HS3ST5: variants seen among roughly 807,000 people sequenced by gnomAD.
HS3ST5 encodes heparan sulfate-glucosamine 3-sulfotransferase 5, also known as heparan sulfate glucosamine 3-O-sulfotransferase 5.
In HS3ST5, 10 loss-of-function variants were observed where a neutral mutation model predicts 25.4. The ratio of observed to expected loss-of-function variants is 0.39; its 90% CI spans 0.24 to 0.67. The LOEUF is 0.67. HS3ST5 is among the 30% of genes least tolerant of loss of function. HS3ST5 has a pLI of 0.44. For synonymous variants in HS3ST5, 170 were observed against 162.4 expected (o/e 1.05, Z -0.36); for missense variants, 324 against 420.7 (o/e 0.77, Z 2.01).
chr6:114,160,434 T>C (rs1032190618), intron 3 of HS3ST5, among the ~76,000 whole-genome samples: 1 of 152,046 alleles, frequency 6.6e-6, no homozygotes, highest in Non-Finnish European at 1.5e-5. Flanking sequence ...AAGAAAAACT[T>C]GAGATCTCAG....
intron 3 of HS3ST5, among the ~76,000 whole-genome samples, chr6:114,148,529 G>A (rs1374355309): frequency 6.6e-6 from 1 of 152,160 alleles, no homozygotes; most frequent in Non-Finnish European, 1.5e-5. Flanking sequence ...GCTGGGGCAG[G>A]AGAATCGCTT....
At chr6:114,197,854 G>T (rs935523034) in intron 2 of HS3ST5, among the ~76,000 whole-genome samples, 2 of 152,130 alleles carry the variant, frequency 1.3e-5, no homozygotes, top group Non-Finnish European at 2.9e-5. Context: ...GAAAAAATCA[G>T]CACAAGAACT....
intron 2 of HS3ST5, among the ~76,000 whole-genome samples, chr6:114,179,654 G>GTT (rs5879251): frequency 6.5e-5 from 6 of 91,622 alleles, no homozygotes; most frequent in Admixed American, 1.1e-4. Flanking sequence ...ATTAGTCAGG[G>GTT]TTTTTTTTTT....
intron 3 of HS3ST5, among the ~76,000 whole-genome samples, chr6:114,165,638 C>T (rs1328151839): frequency 6.6e-6 from 1 of 152,128 alleles, no homozygotes; most frequent in Non-Finnish European, 1.5e-5. Flanking sequence ...ATGCCTGAGG[C>T]AACTTGACGT....
At chr6:114,192,266 A>G (rs1414413585) in intron 2 of HS3ST5, among the ~76,000 whole-genome samples, 9 of 152,304 alleles carry the variant, frequency 5.9e-5, no homozygotes, top group Admixed American at 4.6e-4. Flanking sequence ...ATTTCTAAGT[A>G]ACTTGATGAT....
intron 2 of HS3ST5, among the ~76,000 whole-genome samples, chr6:114,212,518 T>TA (rs1432354121): frequency 6.6e-6 from 1 of 152,132 alleles, no homozygotes; most frequent in Non-Finnish European, 1.5e-5. Flanking sequence ...TATTCCCTAC[T>TA]AAAAAAAGCA....
intron 2 of HS3ST5, among the ~76,000 whole-genome samples, chr6:114,192,436 G>A (rs145528151): frequency 6.6e-6 from 1 of 152,112 alleles, no homozygotes; most frequent in Non-Finnish European, 1.5e-5. Flanking sequence ...AGAGTACAAG[G>A]CCAAACCTGT....
At chr6:114,129,077 T>C (rs763727540) in intron 3 of HS3ST5, among the ~76,000 whole-genome samples, 5 of 152,198 alleles carry the variant, frequency 3.3e-5, no homozygotes, top group Non-Finnish European at 7.3e-5. Flanking sequence ...CTCATAGATG[T>C]TGTGAGTGAG....
At chr6:114,120,900 T>C (rs898558820) in intron 3 of HS3ST5, among the ~76,000 whole-genome samples, 42 of 152,226 alleles carry the variant, frequency 2.8e-4, no homozygotes, top group Non-Finnish European at 7.3e-5. Context: ...ATATTTCTTT[T>C]TTCAGAAGTC....
intron 1 of HS3ST5, among the ~76,000 whole-genome samples, chr6:114,284,695 T>TAA (rs3049840): frequency 0.71 from 106,875 of 151,546 alleles, 37,962 homozygotes; most frequent in Non-Finnish European, 0.74. Flanking sequence ...AATTACAACA[T>TAA]GAGTTTACAG....
chr6:114,224,960 TG>T (rs1437539261), intron 2 of HS3ST5, among the ~76,000 whole-genome samples: 2 of 151,738 alleles, frequency 1.3e-5, no homozygotes, highest in Non-Finnish European at 3.0e-5. Flanking sequence ...TGCTAATGGT[TG>T]TTTCAAGATG....
intron 1 of HS3ST5, among the ~76,000 whole-genome samples, chr6:114,277,060 C>T (rs1293846717): frequency 6.6e-6 from 1 of 151,912 alleles, no homozygotes; most frequent in African/African-American, 2.4e-5. Context: ...CTTTCTCTCA[C>T]CTCAATGGAA....
intron 1 of HS3ST5, among the ~76,000 whole-genome samples, chr6:114,338,727 A>G (rs1438779635): frequency 6.6e-6 from 1 of 152,034 alleles, no homozygotes; most frequent in Non-Finnish European, 1.5e-5. Context: ...TAACATTAAA[A>G]CTCAGAAACA....
chr6:114,160,957 C>A (rs1336657261), intron 3 of HS3ST5, among the ~76,000 whole-genome samples: 1 of 152,098 alleles, frequency 6.6e-6, no homozygotes, highest in Non-Finnish European at 1.5e-5. Flanking sequence ...AAACTAGCAG[C>A]TTTTAAAAGT....
chr6:114,311,872 T>C (rs1775551497), intron 1 of HS3ST5, among the ~76,000 whole-genome samples: 1 of 152,206 alleles, frequency 6.6e-6, no homozygotes, highest in African/African-American at 2.4e-5. Flanking sequence ...TGGTCATAAC[T>C]AAATCAATGC....
intron 1 of HS3ST5, among the ~76,000 whole-genome samples, chr6:114,249,970 T>A (rs1772572824): frequency 1.3e-5 from 2 of 152,210 alleles, no homozygotes; most frequent in Admixed American, 6.5e-5. Flanking sequence ...TGTGCATTTG[T>A]ATCTATTTTC....
At chr6:114,186,736 A>T (rs1246163411) in intron 2 of HS3ST5, among the ~76,000 whole-genome samples, 3 of 152,252 alleles carry the variant, frequency 2.0e-5, no homozygotes, top group Non-Finnish European at 4.4e-5. Flanking sequence ...TTGGAAAAAG[A>T]TGCCATCTAG....
At chr6:114,121,972 C>T (rs1776809830) in intron 3 of HS3ST5, among the ~76,000 whole-genome samples, 1 of 152,220 alleles carries the variant, frequency 6.6e-6, no homozygotes. Flanking sequence ...CCAGGCCCCA[C>T]CTGGGTGCTA....
intron 2 of HS3ST5, among the ~76,000 whole-genome samples, chr6:114,225,962 T>C (rs1771255858): frequency 6.6e-6 from 1 of 151,908 alleles, no homozygotes; most frequent in Non-Finnish European, 1.5e-5. Context: ...AACAGCAGAA[T>C]TTGGCCCTAA....
Sources: gnomAD v4.1 joint callset for allele counts (sites outside exome capture counted in the v4.1 genomes callset) on GRCh38, gnomAD v4.1.1 for gene constraint, MANE v1.5 for transcripts, NCBI Gene and HGNC (gene_info 2026-07-23, HGNC 2026-07-21) for gene names.